Variants in HS3ST4 observed in about 807,000 individuals in gnomAD.
The protein encoded by HS3ST4 is heparan sulfate glucosamine 3-O-sulfotransferase 4.
In HS3ST4, 17 loss-of-function variants were observed where a neutral mutation model predicts 29.2. The ratio of observed to expected loss-of-function variants is 0.58; its 90% CI spans 0.40 to 0.87. The LOEUF is 0.87. Ranked by LOEUF, HS3ST4 falls within the 40% of genes least tolerant of loss-of-function variation. The pLI is 0.00. For missense variants in HS3ST4, 627 were observed against 634.5 expected (o/e 0.99, Z 0.13); for synonymous variants, 314 against 285.7 (o/e 1.10, Z -1.00).
At chr16:25,751,209 C>G (rs183996851) in intron 1 of HS3ST4, among the ~76,000 whole-genome samples, 1 of 152,142 alleles carries the variant, frequency 6.6e-6, no homozygotes, top group Admixed American at 6.6e-5. Context: ...TGACACAACT[C>G]CTTTTGCCTT....
intron 1 of HS3ST4, among the ~76,000 whole-genome samples, chr16:25,823,671 G>C (rs573822057): frequency 2.8e-4 from 42 of 152,110 alleles, no homozygotes; most frequent in African/African-American, 9.9e-4. Flanking sequence ...AGCGATTCTC[G>C]TGCCTCAGCC....
chr16:25,826,418 C>G (rs1967215838), intron 1 of HS3ST4: 1 of 152,142 alleles, frequency 6.6e-6, no homozygotes, highest in South Asian at 2.1e-4. Context: ...CAATTCAGTC[C>G]ATTGCATGCA....
At chr16:25,766,037 A>G (rs1370293239) in intron 1 of HS3ST4, among the ~76,000 whole-genome samples, 2 of 151,710 alleles carry the variant, frequency 1.3e-5, no homozygotes, top group African/African-American at 4.8e-5. Flanking sequence ...TGATACAAAC[A>G]CCTCTTAGGC....
intron 1 of HS3ST4, among the ~76,000 whole-genome samples, chr16:25,930,518 C>T (rs373494505): frequency 6.6e-6 from 1 of 152,142 alleles, no homozygotes; most frequent in African/African-American, 2.4e-5. Flanking sequence ...GACAGACACC[C>T]GTTCAAGCAC....
intron 1 of HS3ST4, among the ~76,000 whole-genome samples, chr16:26,094,800 A>G (rs1405931819): frequency 1.3e-5 from 2 of 152,240 alleles, no homozygotes; most frequent in East Asian, 1.9e-4. Flanking sequence ...AAATGCCCCA[A>G]TTAAAAGACA....
intron 1 of HS3ST4, among the ~76,000 whole-genome samples, chr16:25,807,042 G>A (rs1966996986): frequency 4.6e-5 from 7 of 152,058 alleles, no homozygotes; most frequent in Admixed American, 4.6e-4. Context: ...GTGCAGTCTC[G>A]ACTCATTGCA....
At chr16:25,732,707 A>G (rs917391114) in intron 1 of HS3ST4, among the ~76,000 whole-genome samples, 32 of 152,224 alleles carry the variant, frequency 2.1e-4, no homozygotes, top group African/African-American at 7.7e-4. Context: ...AGCATTCCAT[A>G]ACTTGGATGG....
intron 1 of HS3ST4, among the ~76,000 whole-genome samples, chr16:26,114,163 G>A (rs760034618): frequency 2.0e-5 from 3 of 152,106 alleles, no homozygotes; most frequent in African/African-American, 4.8e-5. Flanking sequence ...GTGGTGTGGG[G>A]CAAGTGGCAG....
At chr16:25,841,995 T>C (rs1242825457) in intron 1 of HS3ST4, among the ~76,000 whole-genome samples, 1 of 152,252 alleles carries the variant, frequency 6.6e-6, no homozygotes, top group Non-Finnish European at 1.5e-5. Flanking sequence ...CAGCACCATC[T>C]GGCACTTTGG....
At chr16:25,832,026 G>C (rs547945029) in intron 1 of HS3ST4, among the ~76,000 whole-genome samples, 1 of 152,124 alleles carries the variant, frequency 6.6e-6, no homozygotes, top group East Asian at 1.9e-4. Flanking sequence ...GGATCACTTG[G>C]ACCCAGGATT....
chr16:25,852,118 T>A (rs1354281153), intron 1 of HS3ST4, among the ~76,000 whole-genome samples: 3 of 152,188 alleles, frequency 2.0e-5, no homozygotes, highest in Non-Finnish European at 4.4e-5. Context: ...TCCAATGCAC[T>A]AAGGCTAGAT....
intron 1 of HS3ST4, among the ~76,000 whole-genome samples, chr16:26,132,054 G>C (rs565607189): frequency 6.6e-6 from 1 of 152,238 alleles, no homozygotes; most frequent in South Asian, 2.1e-4. Context: ...CTGCTCTGTT[G>C]ATTTAAATAC....
At chr16:25,990,111 T>C in intron 1 of HS3ST4, among the ~76,000 whole-genome samples, 1 of 152,242 alleles carries the variant, frequency 6.6e-6, no homozygotes, top group Admixed American at 6.5e-5. Flanking sequence ...TCATTTCTTT[T>C]TAGTGCTGAA....
At chr16:26,100,446 T>G (rs1898977147) in intron 1 of HS3ST4, among the ~76,000 whole-genome samples, 3 of 152,176 alleles carry the variant, frequency 2.0e-5, no homozygotes, top group Non-Finnish European at 4.4e-5. Context: ...AAATGCTATT[T>G]GGGGCCCTCT....
intron 1 of HS3ST4, among the ~76,000 whole-genome samples, chr16:25,843,352 C>G (rs560168433): frequency 2.0e-5 from 3 of 152,232 alleles, no homozygotes; most frequent in Admixed American, 2.0e-4. Flanking sequence ...GTCTCAGGGA[C>G]GCTGCCCCTT....
rs531434633 is a variant in HS3ST4, at chr16:25,859,590, G to A, written c.734+166439G>A. On this transcript the variant is annotated intron_variant, in intron 1 of 1. Coordinates refer to ENST00000331351, the MANE Select transcript of HS3ST4 (RefSeq NM_006040.3). ...AGAATATCTGCCCTCATGGCTGCCCGTAGTATTTTGAGCATCCTGTCTTGA... is the reference window on the plus strand; with the variant it reads ...AGAATATCTGCCCTCATGGCTGCCCATAGTATTTTGAGCATCCTGTCTTGA... 2.0e-4 allele frequency among the ~76,000 whole-genome samples: 31 copies of A among 152,246 alleles called. No homozygotes were observed. The South Asian group carries it at 5.0e-3, about 24-fold the overall frequency.
rs1247428703 is a variant in HS3ST4 at position 26,136,524 on chromosome 16, A to G, written c.*276A>G. The G allele has an allele frequency of 1.0e-5, 5 of 494,838 alleles. No homozygotes were observed. In the East Asian group the frequency reaches 1.4e-4, roughly 14 times the overall value. The allele number at this position is 494,838 out of a possible 1,614,324, so 30.7% of individuals were successfully genotyped here. A position where few individuals can be genotyped will look rare whatever the true frequency, so the allele number is the denominator to read the frequency against. ...TCATTCTTATCTTCTGCTAGTTAAT[A>G]TAGCCTGAAGACAGAGGATAAATAG... On this transcript the variant is annotated 3_prime_UTR_variant, in exon 2 of 2. Transcript: ENST00000331351.
At chr16:25,775,426 C>T (rs1966846729) in intron 1 of HS3ST4, among the ~76,000 whole-genome samples, 2 of 152,178 alleles carry the variant, frequency 1.3e-5, no homozygotes, top group South Asian at 4.2e-4. Context: ...AAAAGCCCTT[C>T]CTGTGCCAAT....
chr16:25,971,444 T>C (rs533701657), intron 1 of HS3ST4, among the ~76,000 whole-genome samples: 1 of 152,324 alleles, frequency 6.6e-6, no homozygotes, highest in South Asian at 2.1e-4. Flanking sequence ...TTGCAGAGGC[T>C]ACTTTTTAGT....
Sources: gnomAD v4.1 joint callset for allele counts (sites outside exome capture counted in the v4.1 genomes callset) on GRCh38, gnomAD v4.1.1 for gene constraint, MANE v1.5 for transcripts, NCBI Gene and HGNC (gene_info 2026-07-23, HGNC 2026-07-21) for gene names.